The following ANKS1B variants were observed in gnomAD, a reference collection of about 807,000 sequenced individuals.
ANKS1B encodes the protein ankyrin repeat and sterile alpha motif domain-containing protein 1B.
ANKS1B carries 36 observed loss-of-function variants against 148.3 expected under a neutral mutation model. The ratio of observed to expected loss-of-function variants is 0.24; its 90% CI spans 0.19 to 0.32. The LOEUF is 0.32. Ranked by LOEUF, ANKS1B falls within the 10% of genes least tolerant of loss-of-function variation. The pLI is 1.00. For synonymous variants in ANKS1B, 542 were observed against 560.8 expected (o/e 0.97, Z 0.47); for missense variants, 1,157 against 1,542.6 (o/e 0.75, Z 4.19).
At chr12:99,164,961 G>A (rs975128087) in intron 14 of ANKS1B, among the ~76,000 whole-genome samples, 1 of 151,932 alleles carries the variant, frequency 6.6e-6, no homozygotes, top group African/African-American at 2.4e-5. Context: ...TTAATCTTGA[G>A]GTTTCTGTTT....
chr12:98,773,183 G>T lies in ANKS1B; in HGVS notation c.3442-4C>A. 1.9e-6 allele frequency: 3 copies of T among 1,602,776 alleles called. No individual in the cohort carries two copies. The highest frequency in any genetic ancestry group is 2.6e-6 in the Non-Finnish European group (3 of 1,174,896). ...TTTCATGCTCAGCAATTATGTTCTG[G>T]AAGAAATGACATAAATGATCATTGT... On this transcript the variant is annotated splice_region_variant and splice_polypyrimidine_tract_variant and intron_variant, in intron 24 of 26. Coordinates refer to ENST00000683438, the MANE Select transcript of ANKS1B (RefSeq NM_001352186.2).
At chr12:98,894,905 C>T (rs887402831) in intron 17 of ANKS1B, 26 of 955,522 alleles carry the variant, frequency 2.7e-5, no homozygotes, top group Non-Finnish European at 3.2e-5. Context: ...ACTGCCCCCG[C>T]CCCCCGCGCG....
At chr12:99,703,435 T>C (rs920243731) in intron 8 of ANKS1B, among the ~76,000 whole-genome samples, 1 of 152,174 alleles carries the variant, frequency 6.6e-6, no homozygotes, top group Non-Finnish European at 1.5e-5. Flanking sequence ...AAAAATGTTT[T>C]TATATTTTGA....
At chr12:99,664,029 GTAAT>G (rs747069646) in intron 8 of ANKS1B, among the ~76,000 whole-genome samples, 26 of 151,832 alleles carry the variant, frequency 1.7e-4, no homozygotes, top group Non-Finnish European at 1.8e-4. Context: ...CCCTTACCTA[GTAAT>G]TAATACTGTT....
intron 1 of ANKS1B, among the ~76,000 whole-genome samples, chr12:99,847,347 T>A (rs2086849085): frequency 6.6e-6 from 1 of 152,076 alleles, no homozygotes; most frequent in African/African-American, 2.4e-5. Flanking sequence ...AAAATAGAAT[T>A]CCTCTTCCCC....
At chr12:99,671,979 CTT>C (rs1203237436) in intron 8 of ANKS1B, among the ~76,000 whole-genome samples, 2 of 152,044 alleles carry the variant, frequency 1.3e-5, no homozygotes, top group African/African-American at 2.4e-5. Context: ...TTTTAAAACT[CTT>C]TTCTTTTTTG....
At chr12:99,675,430 T>C (rs1235824351) in intron 8 of ANKS1B, among the ~76,000 whole-genome samples, 3 of 151,990 alleles carry the variant, frequency 2.0e-5, no homozygotes, top group Non-Finnish European at 2.9e-5. Flanking sequence ...GTCATTTTAT[T>C]ATTTTAATAT....
At chr12:99,199,158 G>A (rs1472363737) in intron 14 of ANKS1B, among the ~76,000 whole-genome samples, 2 of 152,134 alleles carry the variant, frequency 1.3e-5, no homozygotes, top group Non-Finnish European at 2.9e-5. Context: ...CCTCATAAGA[G>A]ACCTTGAACA....
chr12:99,228,935 T>C (rs575384678), intron 14 of ANKS1B, among the ~76,000 whole-genome samples: 310 of 152,096 alleles, frequency 2.0e-3, no homozygotes, highest in African/African-American at 6.6e-3. Flanking sequence ...TATACGTCCA[T>C]ATAAATATTT....
At chr12:98,906,798 G>A (rs149243151) in intron 17 of ANKS1B, among the ~76,000 whole-genome samples, 7 of 152,140 alleles carry the variant, frequency 4.6e-5, no homozygotes, top group Non-Finnish European at 1.0e-4. Flanking sequence ...AGCATTAAAT[G>A]TTTTTGAAGC....
At chr12:99,545,149 A>C (rs113123280) in intron 9 of ANKS1B, among the ~76,000 whole-genome samples, 5 of 152,268 alleles carry the variant, frequency 3.3e-5, no homozygotes, top group African/African-American at 1.2e-4. Flanking sequence ...AACAAAAACC[A>C]AGGCATTCTA....
intron 4 of ANKS1B, among the ~76,000 whole-genome samples, chr12:99,800,193 T>C (rs2066767173): frequency 6.6e-6 from 1 of 151,902 alleles, no homozygotes; most frequent in African/African-American, 2.4e-5. Flanking sequence ...GGTGTCCTTA[T>C]AAGGGAAAGA....
At chr12:99,373,279 G>C (rs997275923) in intron 12 of ANKS1B, among the ~76,000 whole-genome samples, 1 of 152,112 alleles carries the variant, frequency 6.6e-6, no homozygotes, top group Non-Finnish European at 1.5e-5. Context: ...GCATCAAGAG[G>C]TATCGTATGA....
chr12:99,064,398 T>C (rs918966915), intron 16 of ANKS1B, among the ~76,000 whole-genome samples: 2 of 152,104 alleles, frequency 1.3e-5, no homozygotes, highest in South Asian at 2.1e-4. Flanking sequence ...TCAAGACACA[T>C]AGGGGATCAG....
At chr12:99,670,168 C>T (rs573528241) in intron 8 of ANKS1B, among the ~76,000 whole-genome samples, 4 of 152,186 alleles carry the variant, frequency 2.6e-5, no homozygotes, top group Non-Finnish European at 4.4e-5. Context: ...CACTTCTTAC[C>T]GGCTAAATAA....
chr12:99,138,468 C>G (rs1334783612), intron 15 of ANKS1B, among the ~76,000 whole-genome samples: 1 of 152,210 alleles, frequency 6.6e-6, no homozygotes, highest in Non-Finnish European at 1.5e-5. Flanking sequence ...TCAGCATTAT[C>G]TGGAATAGAT....
At chr12:99,776,021 A>T (rs919245105) in intron 6 of ANKS1B, among the ~76,000 whole-genome samples, 1 of 152,202 alleles carries the variant, frequency 6.6e-6, no homozygotes, top group Non-Finnish European at 1.5e-5. Context: ...TGTCTGAAAG[A>T]TGCTTTGAAT....
intron 16 of ANKS1B, among the ~76,000 whole-genome samples, chr12:99,066,348 C>T (rs545532560): frequency 2.6e-5 from 4 of 152,054 alleles, no homozygotes; most frequent in Admixed American, 6.6e-5. Context: ...AAAATAAAGA[C>T]GGTGGATTGG....
intron 10 of ANKS1B, among the ~76,000 whole-genome samples, chr12:99,484,438 C>T (rs763796250): frequency 6.6e-5 from 10 of 151,738 alleles, no homozygotes; most frequent in African/African-American, 2.4e-4. Context: ...AAGAATGTTA[C>T]GTGCTGATGA....
Sources: gnomAD v4.1 joint callset for allele counts (sites outside exome capture counted in the v4.1 genomes callset) on GRCh38, gnomAD v4.1.1 for gene constraint, MANE v1.5 for transcripts, NCBI Gene and HGNC (gene_info 2026-07-23, HGNC 2026-07-21) for gene names.